The following CDH18 variants were observed in gnomAD, a reference collection of about 807,000 sequenced individuals.
CDH18 encodes cadherin 18.
CDH18 carries 31 observed loss-of-function variants against 67.9 expected under a neutral mutation model. The observed-to-expected ratio is 0.46, with a 90% CI of 0.34 to 0.62. The LOEUF (loss-of-function observed/expected upper bound fraction) is 0.62. CDH18 is among the 20% of genes least tolerant of loss of function. The pLI is 0.01. For missense variants in CDH18, 890 were observed against 975.5 expected (o/e 0.91, Z 1.17); for synonymous variants, 362 against 347.2 (o/e 1.04, Z -0.48).
intron 1 of CDH18, among the ~76,000 whole-genome samples, chr5:20,332,152 C>G (rs964091322): frequency 1.1e-4 from 17 of 152,124 alleles, no homozygotes; most frequent in African/African-American, 4.1e-4. Context: ...CTCGATCATT[C>G]CTGGAAACTT....
At chr5:19,648,507 A>T (rs1316649071) in intron 5 of CDH18, among the ~76,000 whole-genome samples, 1 of 152,108 alleles carries the variant, frequency 6.6e-6, no homozygotes, top group African/African-American at 2.4e-5. Context: ...TCAGTGATCA[A>T]TTTTTATGTT....
chr5:19,761,719 T>C (rs1279825022), intron 3 of CDH18, among the ~76,000 whole-genome samples: 1 of 152,182 alleles, frequency 6.6e-6, no homozygotes, highest in Non-Finnish European at 1.5e-5. Flanking sequence ...AATGACTTTC[T>C]TCACAGAATT....
At chr5:20,486,681 G>GTATATATATATATATATATATATATA (rs750113034) in intron 1 of CDH18, among the ~76,000 whole-genome samples, 27 of 122,600 alleles carry the variant, frequency 2.2e-4, no homozygotes, top group Non-Finnish European at 2.5e-4. Context: ...TGCTATTTTT[G>GTATATATATATATATATATATATATA]TATATATATA....
chr5:19,854,134 T>G (rs758598086), intron 2 of CDH18, among the ~76,000 whole-genome samples: 1 of 152,020 alleles, frequency 6.6e-6, no homozygotes, highest in South Asian at 2.1e-4. Flanking sequence ...TTAGGATAAT[T>G]TTGGAAGGGC....
At chr5:20,086,608 C>A (rs1180160412) in intron 2 of CDH18, among the ~76,000 whole-genome samples, 3 of 152,066 alleles carry the variant, frequency 2.0e-5, no homozygotes, top group African/African-American at 7.2e-5. Flanking sequence ...TGCTCATTTA[C>A]CACTCCAAAA....
chr5:19,635,069 T>G (rs6870196), intron 5 of CDH18, among the ~76,000 whole-genome samples: 113,402 of 152,080 alleles, frequency 0.75, 42,463 homozygotes, highest in South Asian at 0.8. Context: ...TGAGGTGATA[T>G]AACACAATGT....
At chr5:20,429,959 T>C (rs1748607774) in intron 1 of CDH18, among the ~76,000 whole-genome samples, 1 of 152,152 alleles carries the variant, frequency 6.6e-6, no homozygotes, top group African/African-American at 2.4e-5. Context: ...TTGATACAAG[T>C]ATTTCCCAGG....
At chr5:20,009,175 TC>T (rs35771858) in intron 2 of CDH18, among the ~76,000 whole-genome samples, 1 of 151,890 alleles carries the variant, frequency 6.6e-6, no homozygotes, top group African/African-American at 2.4e-5. Context: ...TCAGTATACC[TC>T]CCCCCAAGGA....
At chr5:19,766,791 G>C (rs1452098594) in intron 3 of CDH18, among the ~76,000 whole-genome samples, 2 of 152,070 alleles carry the variant, frequency 1.3e-5, no homozygotes, top group Non-Finnish European at 2.9e-5. Context: ...CCGGATTTTA[G>C]TGGTTTTCCA....
At chr5:19,757,740 A>G (rs1771798466) in intron 3 of CDH18, among the ~76,000 whole-genome samples, 1 of 152,206 alleles carries the variant, frequency 6.6e-6, no homozygotes, top group South Asian at 2.1e-4. Context: ...TGCTTCTTCC[A>G]AGTCCCTGGC....
intron 1 of CDH18, among the ~76,000 whole-genome samples, chr5:20,312,977 T>A (rs1462786829): frequency 3.3e-5 from 5 of 152,072 alleles, no homozygotes; most frequent in African/African-American, 1.2e-4. Context: ...GAACAATATT[T>A]AAATAGCAGG....
intron 1 of CDH18, among the ~76,000 whole-genome samples, chr5:20,442,564 T>C (rs1008751368): frequency 6.6e-6 from 1 of 151,900 alleles, no homozygotes; most frequent in Non-Finnish European, 1.5e-5. Flanking sequence ...AGGCAAGTTA[T>C]GTCATAAAAG....
At chr5:19,954,132 C>A (rs182118721) in intron 2 of CDH18, among the ~76,000 whole-genome samples, 46 of 152,146 alleles carry the variant, frequency 3.0e-4, no homozygotes, top group South Asian at 1.2e-3. Flanking sequence ...CCACTCAAAT[C>A]TAGCACTTGG....
chr5:19,677,238 T>C (rs978407013), intron 5 of CDH18, among the ~76,000 whole-genome samples: 3 of 152,038 alleles, frequency 2.0e-5, no homozygotes, highest in South Asian at 4.1e-4. Flanking sequence ...CCAGAAGCGA[T>C]TGGGGATGTG....
rs562655039 is a variant in CDH18, at chr5:20,376,091, ATTTTT to A, written c.-579-120591_-579-120587del. ...ACAGTAAGCAATTTAAAAAGAAACA[ATTTTT>A]TTTTTTTTTTTTTTTGAGACGGAGT... On this transcript the variant is annotated intron_variant, in intron 1 of 14. Transcript: ENST00000507958. 2.0e-4 allele frequency among the ~76,000 whole-genome samples: 10 copies of A among 49,748 alleles called. No homozygotes were observed. In the East Asian group the frequency reaches 5.3e-3, roughly 26 times the overall value. 32.6% of individuals were successfully genotyped at this position (49,748 alleles called of 152,430 possible). A position where few individuals can be genotyped will look rare whatever the true frequency, so the allele number is the denominator to read the frequency against.
intron 8 of CDH18, among the ~76,000 whole-genome samples, chr5:19,558,513 C>T (rs1738861019): frequency 2.0e-5 from 3 of 151,814 alleles, no homozygotes; most frequent in South Asian, 4.1e-4. Flanking sequence ...CTATTATGAA[C>T]AACTTTATGC....
chr5:19,757,619 C>T (rs1222613213), intron 3 of CDH18, among the ~76,000 whole-genome samples: 3 of 152,168 alleles, frequency 2.0e-5, no homozygotes, highest in African/African-American at 7.2e-5. Flanking sequence ...GTTGAGCTCA[C>T]CTATTGGTGA....
chr5:20,100,056 G>T (rs1293024966), intron 2 of CDH18, among the ~76,000 whole-genome samples: 1 of 152,138 alleles, frequency 6.6e-6, no homozygotes, highest in South Asian at 2.1e-4. Flanking sequence ...AAAGTGCTGG[G>T]ATTACAGGGT....
intron 1 of CDH18, among the ~76,000 whole-genome samples, chr5:20,384,396 T>C (rs572675769): frequency 1.3e-5 from 2 of 152,334 alleles, no homozygotes; most frequent in South Asian, 4.1e-4. Context: ...AAGCCACCCA[T>C]GTTGTCGCCT....
Sources: gnomAD v4.1 joint callset for allele counts (sites outside exome capture counted in the v4.1 genomes callset) on GRCh38, gnomAD v4.1.1 for gene constraint, MANE v1.5 for transcripts, NCBI Gene and HGNC (gene_info 2026-07-23, HGNC 2026-07-21) for gene names.